Variants in NSD3 observed in about 807,000 individuals in gnomAD.
NSD3 encodes the protein histone-lysine N-methyltransferase NSD3.
In NSD3, 24 loss-of-function variants were observed where a neutral mutation model predicts 160.8. The observed-to-expected ratio is 0.15, with a 90% confidence interval of 0.11 to 0.21. NSD3 has a LOEUF of 0.21. NSD3 is among the 10% of genes least tolerant of loss of function. The probability of loss-of-function intolerance (pLI) is 1.00; values close to 1 mark genes in which losing one functional copy is unlikely to be tolerated. For missense variants in NSD3, 1,157 were observed against 1,735.9 expected (o/e 0.67, Z 5.93); for synonymous variants, 520 against 600.0 (o/e 0.87, Z 1.95).
At position 38,322,444 on chromosome 8, in the gene NSD3, C is replaced by CT. The variant is rs1005042989; in HGVS notation, c.1709-1273dup. 1.2e-4 allele frequency among the ~76,000 whole-genome samples: 19 copies of CT among 152,180 alleles called. No homozygotes were observed. The East Asian group carries it at 2.9e-3, about 23-fold the overall frequency. ...CCAACCTGAGGATCCGAGATCCATA[C>CT]TTTAGTATTAAAGTGTCAATATTCA... On this transcript the variant is annotated intron_variant, in intron 7 of 23. Coordinates refer to ENST00000317025, the MANE Select transcript of NSD3 (RefSeq NM_023034.2).
Position 38,288,509 on chromosome 8 carries a change from C to A in NSD3, c.3479G>T (p.Arg1160Met). ...IKTERRGWGL[R>M]TKRSIKKGEF... ...TACCTTCTTAATGCTCCTTTTGGTCCTGAGGCCCCAGCCTCTCCGCTCCGT... is the reference window on the plus strand; with the variant it reads ...TACCTTCTTAATGCTCCTTTTGGTCATGAGGCCCCAGCCTCTCCGCTCCGT... Residue 1160 changes from arginine (R) to methionine (M), a missense_variant, in exon 19 of 24, where the codon AGG becomes ATG. Around this residue, in one of 10 missense-constraint regions of NSD3, gnomAD observed 222 missense variants for 409.9 expected, o/e 0.54. Transcript: ENST00000317025. This position sits in a 1 kb window ranked among gnomAD's most constrained non-coding sequence, Gnocchi z 4.5. 1.2e-6 allele frequency: 2 copies of A among 1,614,124 alleles called. No homozygotes were observed. Among genetic ancestry groups the A allele is most frequent in the Non-Finnish European group, 1.7e-6 (2 of 1,179,982 alleles).
At chr8:38,305,724 T>C (rs1809377418) in intron 12 of NSD3, among the ~76,000 whole-genome samples, 1 of 152,184 alleles carries the variant, frequency 6.6e-6, no homozygotes, top group Admixed American at 6.5e-5. Context: ...GTTTGACATC[T>C]GGTAGCAGAC....
intron 16 of NSD3, among the ~76,000 whole-genome samples, chr8:38,292,713 C>T (rs1015796615): frequency 5.9e-5 from 9 of 151,990 alleles, no homozygotes; most frequent in African/African-American, 1.4e-4. Context: ...GGCGTGAACC[C>T]GGGAGGCAGA....
chr8:38,307,143 T>TA (rs1485393342), intron 12 of NSD3, among the ~76,000 whole-genome samples: 2 of 148,180 alleles, frequency 1.3e-5, no homozygotes, highest in Non-Finnish European at 3.0e-5. Flanking sequence ...ATAAAATAAA[T>TA]AAATAAATAA....
At chr8:38,358,973 G>A (rs931885348) in intron 1 of NSD3, among the ~76,000 whole-genome samples, 1 of 151,926 alleles carries the variant, frequency 6.6e-6, no homozygotes, top group Non-Finnish European at 1.5e-5. Context: ...TTGGTAGGGT[G>A]AAACCAGAAA....
chr8:38,311,429 C>T (rs558962677), intron 12 of NSD3, among the ~76,000 whole-genome samples: 4 of 152,164 alleles, frequency 2.6e-5, no homozygotes, highest in South Asian at 2.1e-4. Context: ...CGAGGTTCAA[C>T]GATTCTCCTG....
In NSD3 at chr8:38,316,149, GA is replaced by G. The variant is rs1397081927; in HGVS notation, c.1856-108del. On this transcript the variant is annotated intron_variant, in intron 9 of 23. Coordinates refer to ENST00000317025, the MANE Select transcript of NSD3 (RefSeq NM_023034.2). The surrounding 1 kb of genome is among the most constrained non-coding windows in gnomAD (Gnocchi z 4.5). ...TTTTCTCAAACTCATCTTTAGTGTG[GA>G]AAAAGCATAGCTCTCTTTGTAACAC... is the stretch of plus-strand genomic sequence containing the variant. 3 of 1,448,558 alleles carry G rather than the reference GA, an allele frequency of 2.1e-6. No individual in the cohort carries two copies. Among genetic ancestry groups the G allele is most frequent in the Admixed American group, 4.3e-5 (2 of 46,714 alleles). The allele number at this position is 1,448,558 out of a possible 1,614,324, so 89.7% of individuals were successfully genotyped here. A position where few individuals can be genotyped will look rare whatever the true frequency, so the allele number is the denominator to read the frequency against.
intron 21 of NSD3, among the ~76,000 whole-genome samples, chr8:38,278,878 T>A (rs1218985765): frequency 2.0e-5 from 3 of 152,224 alleles, no homozygotes; most frequent in African/African-American, 7.2e-5. Context: ...ATCCAGGGAC[T>A]CAAACTAGGG....
rs1035043036 is a variant in NSD3, at chr8:38,275,401, A to G, written c.*240T>C. The G allele has an allele frequency of 1.3e-5, 6 of 470,780 alleles. No individual in the cohort carries two copies. The highest frequency in any genetic ancestry group is 1.2e-4 in the African/African-American group (6 of 51,238). 29.2% of individuals were successfully genotyped at this position (470,780 alleles called of 1,614,324 possible). A position where few individuals can be genotyped will look rare whatever the true frequency, so the allele number is the denominator to read the frequency against. On this transcript the variant is annotated 3_prime_UTR_variant, in exon 24 of 24. Transcript: ENST00000317025. The stretch of plus-strand genomic sequence containing the variant: ...CAAGCTGCAATGGCACTGAAGCACA[A>G]TAAAAGGCAAGAAAAGACCAAGGGA...
chr8:38,377,795 C>A (rs764827038), intron 1 of NSD3, among the ~76,000 whole-genome samples: 1 of 151,992 alleles, frequency 6.6e-6, no homozygotes, highest in African/African-American at 2.4e-5. Flanking sequence ...TTAGCCGGCA[C>A]GGTGGTGCAT....
chr8:38,352,825 C>T (rs183411446), intron 1 of NSD3, among the ~76,000 whole-genome samples: 15 of 152,242 alleles, frequency 9.9e-5, no homozygotes, highest in African/African-American at 3.6e-4. Flanking sequence ...AGGCTGATCT[C>T]GAGCTCCTGA....
intron 1 of NSD3, among the ~76,000 whole-genome samples, chr8:38,373,578 GA>G (rs1358996306): frequency 1.3e-5 from 2 of 152,044 alleles, no homozygotes; most frequent in Non-Finnish European, 2.9e-5. Context: ...AGATTCAATA[GA>G]CACAATATTG....
chr8:38,281,834 G>A lies in NSD3; in HGVS notation c.3502-251C>T, dbSNP rs149783499. 2.1e-3 allele frequency among the ~76,000 whole-genome samples: 318 copies of A among 152,250 alleles called. 4 individuals are homozygous for A. Among genetic ancestry groups the A allele is most frequent in the African/African-American group, 7.1e-3 (294 of 41,538 alleles). On this transcript the variant is annotated intron_variant, in intron 19 of 23. Coordinates refer to ENST00000317025, the MANE Select transcript of NSD3 (RefSeq NM_023034.2). ...TTTTATAGTCCAAGTGACAACATGT[G>A]GGGCATTGCTGGGATCTGGGGATAA...
chr8:38,324,766 C>A lies in NSD3; in HGVS notation c.1708+1964G>T, dbSNP rs1379974613. 3.9e-5 allele frequency among the ~76,000 whole-genome samples: 6 copies of A among 152,252 alleles called. No individual in the cohort carries two copies. In the East Asian group the frequency reaches 1.2e-3, roughly 29 times the overall value. On this transcript the variant is annotated intron_variant, in intron 7 of 23. Transcript: ENST00000317025. ...GATTAGATGCTTTAAGCTCCACCCC[C>A]CCATCCTCCGAGAAGGGGAGTGGGG...
intron 1 of NSD3, among the ~76,000 whole-genome samples, chr8:38,357,161 T>C (rs911612763): frequency 6.8e-6 from 1 of 147,584 alleles, no homozygotes; most frequent in Non-Finnish European, 1.5e-5. Context: ...TACATTGATA[T>C]CATTATTTAA....
At chr8:38,325,249 G>C (rs1809880077) in intron 7 of NSD3, among the ~76,000 whole-genome samples, 1 of 152,154 alleles carries the variant, frequency 6.6e-6, no homozygotes, top group Non-Finnish European at 1.5e-5. Flanking sequence ...GAATCAAATT[G>C]AATCATAGGA....
chr8:38,326,077 G>A (rs59978327), intron 7 of NSD3, among the ~76,000 whole-genome samples: 29,706 of 151,730 alleles, frequency 0.2, 3,197 homozygotes, highest in East Asian at 0.31. Context: ...GAACCTGGGA[G>A]GTGGAGGTTG....
At chr8:38,310,802 A>C (rs928316812) in intron 12 of NSD3, among the ~76,000 whole-genome samples, 23 of 151,850 alleles carry the variant, frequency 1.5e-4, no homozygotes, top group Admixed American at 6.6e-4. Context: ...GTGAGACACT[A>C]CGCCTGGCCC....
chr8:38,312,802 C>A (rs371837344), intron 12 of NSD3, among the ~76,000 whole-genome samples: 10 of 152,278 alleles, frequency 6.6e-5, no homozygotes, highest in African/African-American at 2.2e-4. Flanking sequence ...ATACAGCCTG[C>A]AGAATTGTGA....
Sources: allele counts gnomAD v4.1 joint callset (sites outside exome capture counted in the v4.1 genomes callset), GRCh38; gene constraint gnomAD v4.1.1; regional missense constraint gnomAD v4.1.1; non-coding constraint Gnocchi (gnomAD v3.1); transcripts MANE v1.5; gene names NCBI Gene and HGNC (gene_info 2026-07-23, HGNC 2026-07-21).